KCNAB1: variants seen among roughly 807,000 people sequenced by gnomAD.
KCNAB1 encodes potassium voltage-gated channel subfamily A regulatory beta subunit 1.
A neutral mutation model predicts 64.6 loss-of-function variants in KCNAB1; 35 were observed. That is an observed-to-expected ratio of 0.54 (90% CI 0.41 to 0.72). The LOEUF is 0.72. KCNAB1 is among the 30% of genes least tolerant of loss of function. The pLI is 0.00. For synonymous variants in KCNAB1, 177 were observed against 183.8 expected, an observed-to-expected ratio of 0.96 and a Z score of 0.30; for missense variants, 401 against 512.9, an observed-to-expected ratio of 0.78 and a Z score of 2.11.
intron 1 of KCNAB1, among the ~76,000 whole-genome samples, chr3:156,406,154 A>C (rs1714232511): frequency 6.6e-6 from 1 of 152,248 alleles, no homozygotes; most frequent in South Asian, 2.1e-4. Context: ...AAATTCAGAG[A>C]GCAATATTTA....
In KCNAB1 at chr3:156,538,383, A is replaced by T. The variant is rs1719211729; in HGVS notation, c.*1636A>T. 6.6e-6 allele frequency: 1 copy of T among 152,184 alleles called. No individual in the cohort carries two copies. Among genetic ancestry groups the T allele is most frequent in the South Asian group, 2.1e-4 (1 of 4,832 alleles). 9.4% of individuals were successfully genotyped at this position (152,184 alleles called of 1,614,324 possible). ...AAAATGCTAGTGGGAGATATCAAGA[A>T]ATTTTCTTTTTGATTACTAGTACCT... On this transcript the variant is annotated 3_prime_UTR_variant, in exon 14 of 14. Coordinates refer to ENST00000490337, the MANE Select transcript of KCNAB1 (RefSeq NM_172160.3).
chr3:156,336,359 AAAAC>A (rs148137640), intron 1 of KCNAB1, among the ~76,000 whole-genome samples: 34 of 151,938 alleles, frequency 2.2e-4, no homozygotes, highest in Non-Finnish European at 2.9e-4. Context: ...GAGACTCTGT[AAAAC>A]AAACAAACAA....
chr3:156,529,092 C>T (rs1464419910), intron 12 of KCNAB1, among the ~76,000 whole-genome samples: 2 of 152,152 alleles, frequency 1.3e-5, no homozygotes, highest in East Asian at 3.9e-4. Flanking sequence ...GAGAAGACAG[C>T]TGAACCAAAG....
At chr3:156,360,467 C>T (rs766997528) in intron 1 of KCNAB1, among the ~76,000 whole-genome samples, 6 of 152,246 alleles carry the variant, frequency 3.9e-5, no homozygotes, top group South Asian at 2.1e-4. Flanking sequence ...CCCAGTGCTT[C>T]GGAAGGCTGA....
intron 1 of KCNAB1, among the ~76,000 whole-genome samples, chr3:156,145,651 T>G (rs1714995806): frequency 6.6e-6 from 1 of 152,204 alleles, no homozygotes; most frequent in Non-Finnish European, 1.5e-5. Flanking sequence ...TATTTTCTTT[T>G]TTCTTGTAAA....
chr3:156,305,333 C>T (rs945548894), intron 1 of KCNAB1, among the ~76,000 whole-genome samples: 9 of 152,150 alleles, frequency 5.9e-5, no homozygotes, highest in Non-Finnish European at 1.2e-4. Context: ...CATCCCCAGT[C>T]CTAGCACGGT....
At chr3:156,354,146 GTA>G (rs1214791537) in intron 1 of KCNAB1, among the ~76,000 whole-genome samples, 146 of 121,148 alleles carry the variant, frequency 1.2e-3, no homozygotes, top group African/African-American at 4.0e-3. Flanking sequence ...ATATATATGT[GTA>G]TATATATATA....
At chr3:156,280,668 T>C (rs1719652756) in intron 1 of KCNAB1, among the ~76,000 whole-genome samples, 1 of 151,082 alleles carries the variant, frequency 6.6e-6, no homozygotes, top group Non-Finnish European at 1.5e-5. Flanking sequence ...TAGTTCTCCT[T>C]GAAGAGGTCC....
At chr3:156,348,453 A>G (rs1303036187) in intron 1 of KCNAB1, among the ~76,000 whole-genome samples, 1 of 152,138 alleles carries the variant, frequency 6.6e-6, no homozygotes, top group Non-Finnish European at 1.5e-5. Flanking sequence ...TTGTCCGTGG[A>G]TTGGGCATGA....
chr3:156,461,843 C>T (rs1006398207), intron 5 of KCNAB1, among the ~76,000 whole-genome samples: 87 of 152,282 alleles, frequency 5.7e-4, no homozygotes, highest in African/African-American at 2.1e-3. Context: ...TATTATACTC[C>T]ATAATGTTTA....
Position 156,174,902 on chromosome 3 carries a change from A to G in KCNAB1, c.275+54016A>G, listed in dbSNP as rs143651148. ...GGCAGCTTCTAGCTAACTTTACCAG[A>G]TGCTAGTTGTTGAACTCTTCCTCAA... is the stretch of plus-strand genomic sequence containing the variant. On this transcript the variant is annotated intron_variant, in intron 1 of 13. Coordinates refer to ENST00000490337, the MANE Select transcript of KCNAB1 (RefSeq NM_172160.3). Among the ~76,000 whole-genome samples, 600 of 152,280 alleles carry G rather than the reference A, an allele frequency of 3.9e-3. 7 individuals carry two copies. Among genetic ancestry groups the G allele is most frequent in the South Asian group, 0.017 (81 of 4,810 alleles).
intron 1 of KCNAB1, among the ~76,000 whole-genome samples, chr3:156,417,153 A>G (rs1421719842): frequency 6.6e-6 from 1 of 152,194 alleles, no homozygotes; most frequent in Non-Finnish European, 1.5e-5. Flanking sequence ...AACTATCAAA[A>G]CCAGCTGGCT....
chr3:156,291,675 C>T, intron 1 of KCNAB1: 3 of 1,400,558 alleles, frequency 2.1e-6, no homozygotes, highest in African/African-American at 1.4e-5. Context: ...AACTTCGGGG[C>T]CGTCTGTTTA....
At chr3:156,132,553 A>G (rs886146557) in intron 1 of KCNAB1, among the ~76,000 whole-genome samples, 1 of 152,106 alleles carries the variant, frequency 6.6e-6, no homozygotes, top group Non-Finnish European at 1.5e-5. Context: ...TTCCATGGTA[A>G]CAGCCACAGA....
chr3:156,248,711 G>A (rs1437665671), intron 1 of KCNAB1, among the ~76,000 whole-genome samples: 1 of 152,194 alleles, frequency 6.6e-6, no homozygotes, highest in Non-Finnish European at 1.5e-5. Context: ...TACGGTTTTA[G>A]AAACAGGATT....
chr3:156,200,348 G>A (rs1038684831), intron 1 of KCNAB1, among the ~76,000 whole-genome samples: 4 of 152,354 alleles, frequency 2.6e-5, no homozygotes, highest in East Asian at 1.9e-4. Context: ...GAGCTCGAGC[G>A]CTGTGCTGGG....
chr3:156,190,043 A>G (rs1039039586), intron 1 of KCNAB1, among the ~76,000 whole-genome samples: 8 of 152,224 alleles, frequency 5.3e-5, no homozygotes, highest in African/African-American at 1.7e-4. Context: ...ACAAGTATAC[A>G]AAAGAAGTTC....
intron 1 of KCNAB1, among the ~76,000 whole-genome samples, chr3:156,316,832 A>C (rs1370313864): frequency 6.6e-6 from 1 of 152,218 alleles, no homozygotes; most frequent in Non-Finnish European, 1.5e-5. Context: ...GCCAGAAGAC[A>C]TGGGAACTCC....
chr3:156,252,825 GC>G (rs1560159654), intron 1 of KCNAB1, among the ~76,000 whole-genome samples: 1 of 152,136 alleles, frequency 6.6e-6, no homozygotes, highest in African/African-American at 2.4e-5. Context: ...GCTTTCCAAC[GC>G]GCATTGTCTT....
Sources: allele counts gnomAD v4.1 joint callset (sites outside exome capture counted in the v4.1 genomes callset), GRCh38; gene constraint gnomAD v4.1.1; transcripts MANE v1.5; gene names NCBI Gene and HGNC (gene_info 2026-07-23, HGNC 2026-07-21).